Variants in ANO1 observed in about 807,000 individuals in gnomAD.
ANO1 encodes the protein anoctamin 1.
ANO1 carries 59 observed loss-of-function variants against 124.0 expected under a neutral mutation model. That is an observed-to-expected ratio of 0.48 (90% CI 0.39 to 0.59). The LOEUF (loss-of-function observed/expected upper bound fraction) is 0.59. Among genes scored for constraint, ANO1 ranks in the 20% least tolerant of loss-of-function variants. The probability of loss-of-function intolerance (pLI) is 0.00; values close to 1 mark genes in which losing one functional copy is unlikely to be tolerated. For missense variants in ANO1, 1,059 were observed against 1,328.0 expected (o/e 0.80, Z 3.15); for synonymous variants, 529 against 532.0 (o/e 0.99, Z 0.08).
chr11:70,185,942 GA>G (rs1565290751), intron 25 of ANO1, among the ~76,000 whole-genome samples: 1 of 152,214 alleles, frequency 6.6e-6, no homozygotes, highest in Non-Finnish European at 1.5e-5. Context: ...AGCACCGGCA[GA>G]AGGGTTCTGA....
intron 11 of ANO1, among the ~76,000 whole-genome samples, chr11:70,142,160 G>T (rs1432562138): frequency 9.2e-5 from 14 of 152,206 alleles, no homozygotes; most frequent in Admixed American, 9.2e-4. Context: ...TGAAATTATA[G>T]CATAATAATG....
chr11:70,028,016 C>A (rs1856939956), intron 1 of ANO1, among the ~76,000 whole-genome samples: 1 of 152,118 alleles, frequency 6.6e-6, no homozygotes, highest in Non-Finnish European at 1.5e-5. Context: ...TTTTAAGAAG[C>A]ATTTTCTTTT....
chr11:70,178,757 T>G (rs1261407612), intron 22 of ANO1, among the ~76,000 whole-genome samples: 1 of 152,144 alleles, frequency 6.6e-6, no homozygotes, highest in East Asian at 1.9e-4. Flanking sequence ...AGAGATGGGG[T>G]TTTGCCATAT....
the ANO1 span, among the ~76,000 whole-genome samples, chr11:69,973,769 G>A: frequency 6.6e-5 from 10 of 151,956 alleles, no homozygotes; most frequent in African/African-American, 2.4e-4. Flanking sequence ...CTACTCGGGA[G>A]GCTAAGGCAG....
chr11:70,109,224 G>A (rs1319623104), intron 6 of ANO1, among the ~76,000 whole-genome samples: 1 of 152,206 alleles, frequency 6.6e-6, no homozygotes, highest in African/African-American at 2.4e-5. Flanking sequence ...GTGCATACAG[G>A]AGGGACCATC....
At chr11:70,175,169 C>G (rs373882539) in intron 22 of ANO1, among the ~76,000 whole-genome samples, 46 of 152,334 alleles carry the variant, frequency 3.0e-4, no homozygotes, top group African/African-American at 1.1e-3. Context: ...TCCCGCAGTC[C>G]CTCTGCAGGC....
chr11:70,153,788 C>A (rs1015662798), intron 14 of ANO1, among the ~76,000 whole-genome samples: 1 of 152,110 alleles, frequency 6.6e-6, no homozygotes, highest in Non-Finnish European at 1.5e-5. Context: ...TTTTTTGAGA[C>A]AGAGTCTCTC....
At chr11:69,990,145 C>T (rs1186861027) in intron 1 of ANO1, among the ~76,000 whole-genome samples, 1 of 152,106 alleles carries the variant, frequency 6.6e-6, no homozygotes, top group Non-Finnish European at 1.5e-5. Context: ...CTTCCCATTC[C>T]CCACCCCGCC....
At chr11:70,030,727 A>G (rs533870852) in intron 1 of ANO1, among the ~76,000 whole-genome samples, 14 of 152,232 alleles carry the variant, frequency 9.2e-5, no homozygotes, top group African/African-American at 3.1e-4. Context: ...CATCATATCT[A>G]TTAATACAAA....
chr11:70,033,065 T>A (rs1478043075), intron 1 of ANO1, among the ~76,000 whole-genome samples: 3 of 152,162 alleles, frequency 2.0e-5, no homozygotes, highest in Admixed American at 1.3e-4. Flanking sequence ...CGACATCTTG[T>A]GATCTTGTGT....
chr11:70,115,430 T>G (rs1440453860), intron 7 of ANO1, among the ~76,000 whole-genome samples: 1 of 152,068 alleles, frequency 6.6e-6, no homozygotes, highest in South Asian at 2.1e-4. Context: ...CTGACCAACG[T>G]GGTGAAACCC....
chr11:69,986,628 T>G (rs905367309), intron 1 of ANO1, among the ~76,000 whole-genome samples: 2 of 152,094 alleles, frequency 1.3e-5, no homozygotes, highest in Non-Finnish European at 2.9e-5. Context: ...AAGTCACTAC[T>G]ATGACTCGAA....
At chr11:70,120,249 T>G (rs915624605) in intron 8 of ANO1, among the ~76,000 whole-genome samples, 1 of 151,198 alleles carries the variant, frequency 6.6e-6, no homozygotes, top group Non-Finnish European at 1.5e-5. Context: ...GCCATCACTC[T>G]TGGCCTGATC....
At chr11:70,136,400 A>G (rs900792737) in intron 11 of ANO1, among the ~76,000 whole-genome samples, 1 of 152,198 alleles carries the variant, frequency 6.6e-6, no homozygotes, top group Non-Finnish European at 1.5e-5. Context: ...TTAGGTGCCC[A>G]TGACCCTGAG....
At chr11:70,057,915 G>A (rs1555007132) in intron 1 of ANO1, among the ~76,000 whole-genome samples, 1 of 152,202 alleles carries the variant, frequency 6.6e-6, no homozygotes, top group Non-Finnish European at 1.5e-5. Flanking sequence ...AAATAGTGGA[G>A]AAGTGTTGGG....
chr11:70,053,032 A>T (rs1555006460), intron 1 of ANO1, among the ~76,000 whole-genome samples: 2 of 152,194 alleles, frequency 1.3e-5, no homozygotes, highest in African/African-American at 4.8e-5. Flanking sequence ...TTGTTTAAAA[A>T]GGCATGAGTT....
chr11:70,025,338 A>G (rs1856873763), intron 1 of ANO1, among the ~76,000 whole-genome samples: 1 of 152,244 alleles, frequency 6.6e-6, no homozygotes, highest in African/African-American at 2.4e-5. Context: ...GTCTGCTGCA[A>G]TCATGATCAT....
intron 23 of ANO1, among the ~76,000 whole-genome samples, chr11:70,181,631 C>A (rs1056279281): frequency 1.3e-5 from 2 of 152,158 alleles, no homozygotes; most frequent in Non-Finnish European, 2.9e-5. Flanking sequence ...ACAGCAGCAA[C>A]AACAATAACA....
At chr11:70,060,931 A>T (rs1228604472) in intron 1 of ANO1, among the ~76,000 whole-genome samples, 1 of 152,122 alleles carries the variant, frequency 6.6e-6, no homozygotes, top group Non-Finnish European at 1.5e-5. Context: ...ATGGGGAAAA[A>T]ACTTAGGGTC....
Sources: allele counts gnomAD v4.1 joint callset (sites outside exome capture counted in the v4.1 genomes callset), GRCh38; gene constraint gnomAD v4.1.1; transcripts MANE v1.5; gene names NCBI Gene and HGNC (gene_info 2026-07-23, HGNC 2026-07-21).